Variants in SLC12A7 observed in about 807,000 individuals in gnomAD.
The protein encoded by SLC12A7 is K-Cl cotransporter 4.
Under a neutral mutation model 120.6 loss-of-function variants are expected in SLC12A7, and 100 were observed. The observed-to-expected ratio is 0.83, with a 90% CI of 0.71 to 0.98. SLC12A7 has a LOEUF of 0.98. Among genes scored for constraint, SLC12A7 ranks in the 50% least tolerant of loss-of-function variants. SLC12A7 has a pLI of 0.00. For missense variants in SLC12A7, 1,373 were observed against 1,548.1 expected (o/e 0.89, Z 1.90); for synonymous variants, 760 against 678.0 (o/e 1.12, Z -1.88).
At chr5:1,067,997 G>A (rs1368450123) in intron 17 of SLC12A7, among the ~76,000 whole-genome samples, 1 of 152,212 alleles carries the variant, frequency 6.6e-6, no homozygotes, top group Non-Finnish European at 1.5e-5. Flanking sequence ...CTTTACGAGC[G>A]GGGAGCAAGA....
intron 23 of SLC12A7, among the ~76,000 whole-genome samples, chr5:1,052,757 G>T (rs112507270): frequency 1.4e-4 from 22 of 152,290 alleles, no homozygotes; most frequent in African/African-American, 4.3e-4. Context: ...ACGGGACTGG[G>T]TCCTCACCAG....
At chr5:1,052,893 C>A (rs1735202158) in intron 23 of SLC12A7, among the ~76,000 whole-genome samples, 1 of 152,232 alleles carries the variant, frequency 6.6e-6, no homozygotes, top group South Asian at 2.1e-4. Context: ...GCCAATACGC[C>A]CAGATGCACT....
chr5:1,085,520 C>T (rs752780943), intron 6 of SLC12A7, 47 bp from the exon 7 acceptor site: 2 of 1,528,356 alleles, frequency 1.3e-6, no homozygotes, highest in East Asian at 2.4e-5. Context: ...ACACAACTCC[C>T]CAGTGCCCGT....
At chr5:1,085,535 C>A (rs1299157571) in intron 6 of SLC12A7, 62 bp from the exon 7 acceptor site, 59 of 1,502,900 alleles carry the variant, frequency 3.9e-5, no homozygotes, top group Non-Finnish European at 4.8e-5. Context: ...GCCCGTCCCT[C>A]CCGCAAGCCC....
chr5:1,133,317 C>G, the SLC12A7 span, among the ~76,000 whole-genome samples: 8 of 152,330 alleles, frequency 5.3e-5, no homozygotes, highest in East Asian at 1.9e-4. Context: ...AGAGCTCCCC[C>G]CAACCCCCCG....
chr5:1,082,878 G>A (rs1055681413), intron 8 of SLC12A7, among the ~76,000 whole-genome samples: 4 of 146,192 alleles, frequency 2.7e-5, no homozygotes, highest in Non-Finnish European at 4.5e-5. Flanking sequence ...GAAAGTCCAG[G>A]CTTCCCGTCT....
chr5:1,052,722 C>A (rs912582421), intron 23 of SLC12A7, among the ~76,000 whole-genome samples: 1 of 152,182 alleles, frequency 6.6e-6, no homozygotes, highest in Non-Finnish European at 1.5e-5. Flanking sequence ...ACGGTGCTGA[C>A]CCCACCCGAC....
At chr5:1,055,169 TACAC>T (rs1007463444) in intron 22 of SLC12A7, among the ~76,000 whole-genome samples, 1 of 152,100 alleles carries the variant, frequency 6.6e-6, no homozygotes, top group Non-Finnish European at 1.5e-5. Context: ...CACTGATGTG[TACAC>T]ACACAGGCAT....
At chr5:1,089,540 G>A (rs368882058) in intron 3 of SLC12A7, among the ~76,000 whole-genome samples, 5 of 150,404 alleles carry the variant, frequency 3.3e-5, no homozygotes, top group South Asian at 4.2e-4. Context: ...CAGAGCCAGC[G>A]GAGGGATGAG....
At chr5:1,099,994 T>C (rs1197833520) in intron 1 of SLC12A7, among the ~76,000 whole-genome samples, 2 of 152,108 alleles carry the variant, frequency 1.3e-5, no homozygotes, top group East Asian at 3.9e-4. Flanking sequence ...CTCATAAGGC[T>C]TTAAAAGGAG....
At position 1,093,518 on chromosome 5, in the gene SLC12A7, G is replaced by A; in HGVS notation, c.342+15C>T. The A allele has an allele frequency of 6.3e-7, 1 of 1,587,570 alleles. No homozygotes were observed. Among genetic ancestry groups the A allele is most frequent in the Non-Finnish European group, 8.6e-7 (1 of 1,168,762 alleles). On this transcript the variant is annotated intron_variant, in intron 3 of 23. Transcript: ENST00000264930. ...CGGGGCGGGGACTGGGCGGGCACGGGCAGGGTGGCAGTACCTTGGCCTCCC... is the reference window on the plus strand; with the variant it reads ...CGGGGCGGGGACTGGGCGGGCACGGACAGGGTGGCAGTACCTTGGCCTCCC...
At chr5:1,061,071 C>CACCCGCCGT (rs1736171682) in intron 20 of SLC12A7, among the ~76,000 whole-genome samples, 1 of 70,862 alleles carries the variant, frequency 1.4e-5, no homozygotes. Flanking sequence ...GCACCCGCCG[C>CACCCGCCGT]ACCTGCCGCA....
Position 1,074,626 on chromosome 5 carries a change from G to A in SLC12A7, c.2013C>T (p.Asn671=), listed in dbSNP as rs750227136. 2.0e-5 allele frequency: 33 copies of A among 1,612,844 alleles called. No individual in the cohort carries two copies. The highest frequency in any genetic ancestry group is 4.4e-5 in the South Asian group (4 of 91,078). Residue 671 remains asparagine (N), a synonymous_variant, in exon 16 of 24, where the codon AAC becomes AAT. Coordinates refer to ENST00000264930, the MANE Select transcript of SLC12A7 (RefSeq NM_006598.3). ...WGDGIRGLSL[N]AARYALLRVE... ...CGCGCAGCAGGGCGTAGCGGGCGGCGTTCAGGGATAGGCCACGGATGCCAT... is the reference window on the plus strand; with the variant it reads ...CGCGCAGCAGGGCGTAGCGGGCGGCATTCAGGGATAGGCCACGGATGCCAT...
rs112178884 is a variant in SLC12A7 at position 1,064,326 on chromosome 5, C to A, written c.2438-74G>T. The A allele has an allele frequency of 1.1e-5, 17 of 1,528,388 alleles. No individual in the cohort carries two copies. In the African/African-American group the frequency reaches 1.9e-4, roughly 17 times the overall value. The allele number at this position is 1,528,388 out of a possible 1,614,324, so 94.7% of individuals were successfully genotyped here. On this transcript the variant is annotated intron_variant, in intron 18 of 23. Transcript: ENST00000264930. ...AAGGGGCCTCCCCGGGGACTCACAGCCAGTGCAGGGGCGGGCACGGCGAGG... is the reference window on the plus strand; with the variant it reads ...AAGGGGCCTCCCCGGGGACTCACAGACAGTGCAGGGGCGGGCACGGCGAGG...
Position 1,081,657 on chromosome 5 carries a change from G to C in SLC12A7, c.1217C>G (p.Ala406Gly). 2 of 1,613,148 alleles carry C rather than the reference G, an allele frequency of 1.2e-6. No individual in the cohort carries two copies. The highest frequency in any genetic ancestry group is 1.3e-5 in the African/African-American group (1 of 75,078). The change falls in exon 9 of 24, where the codon GCC becomes GGC. Residue 406 changes from alanine (A) to glycine (G), a missense_variant. By Grantham distance (60) the Ala-to-Gly change is moderately conservative (BLOSUM62 0). Coordinates refer to ENST00000264930, the MANE Select transcript of SLC12A7 (RefSeq NM_006598.3). The part of the protein sequence containing the change: ...PSVPVAEESR[A>G]SALPYVLTDI... The stretch of plus-strand genomic sequence containing the variant: ...GGTGAGCACGTAGGGCAGTGCGCTG[G>C]CACGGCTCTCCTCTGCCACGGGCAC...
the SLC12A7 span, among the ~76,000 whole-genome samples, chr5:1,139,504 G>A: frequency 1.3e-5 from 2 of 152,394 alleles, no homozygotes; most frequent in African/African-American, 4.8e-5. Flanking sequence ...CTTCTCTGAG[G>A]GGTGGTGTCC....
rs1410292453 is a variant in SLC12A7, at chr5:1,065,417, G to A, written c.2303C>T (p.Ser768Phe). The part of the protein sequence containing the change: ...TKGFCQLVVS[S>F]SLRDGMSHLI... ...GTGGGACATGCCATCCCGCAGGCTG[G>A]ACGAGACCACCAGCTGGCAGAAGCC... The change falls in exon 18 of 24, where the codon TCC (serine) becomes TTC (phenylalanine). Residue 768 changes from serine to phenylalanine, a missense_variant. By Grantham distance (155) the Ser-to-Phe change is radical. Coordinates refer to ENST00000264930, the MANE Select transcript of SLC12A7 (RefSeq NM_006598.3). 1 of 1,612,100 alleles carries A rather than the reference G, an allele frequency of 6.2e-7. No individual in the cohort carries two copies.
intron 6 of SLC12A7, among the ~76,000 whole-genome samples, chr5:1,085,924 C>G (rs1464861436): frequency 6.6e-6 from 1 of 152,246 alleles, no homozygotes; most frequent in Admixed American, 6.5e-5. Context: ...CACACAGGGT[C>G]TGACCACGCC....
In SLC12A7 at chr5:1,096,793, G is replaced by GA. The variant is rs1741248330; in HGVS notation, c.125-2546dup. 4.4e-4 allele frequency among the ~76,000 whole-genome samples: 20 copies of GA among 45,476 alleles called. 2 individuals are homozygous for GA. The highest frequency in any genetic ancestry group is 4.4e-3 in the East Asian group (3 of 688). 29.8% of individuals were successfully genotyped at this position (45,476 alleles called of 152,430 possible). ...GGAGGGAGGGGGGGAGGGAGGGAAG[G>GA]AAGGAGGGAGGGAAGGAAGGAGGGA... On this transcript the variant is annotated intron_variant, in intron 1 of 23. Transcript: ENST00000264930.
Sources: allele counts gnomAD v4.1 joint callset (sites outside exome capture counted in the v4.1 genomes callset), GRCh38; gene constraint gnomAD v4.1.1; transcripts MANE v1.5; gene names NCBI Gene and HGNC (gene_info 2026-07-23, HGNC 2026-07-21).